The following STK24 variants were observed in gnomAD, a reference collection of about 807,000 sequenced individuals.
STK24 encodes serine/threonine kinase 24.
A neutral mutation model predicts 55.6 loss-of-function variants in STK24; 21 were observed. That is an observed-to-expected ratio of 0.38 (90% CI 0.27 to 0.54). STK24 has a LOEUF of 0.54. STK24 is among the 20% of genes least tolerant of loss of function. The pLI, the probability that STK24 is intolerant of heterozygous loss-of-function variation, is 0.79. For missense variants in STK24, 383 were observed against 538.4 expected (o/e 0.71, Z 2.86); for synonymous variants, 200 against 215.2 (o/e 0.93, Z 0.62).
rs116933907 is a variant in STK24 at position 98,489,045 on chromosome 13, C to T, written c.274-6724G>A. On this transcript the variant is annotated intron_variant, in intron 2 of 10. Coordinates refer to ENST00000539966, the MANE Select transcript of STK24 (RefSeq NM_001032296.4). The stretch of plus-strand genomic sequence containing the variant: ...TGAGTTTTTGTAAAAGGTACCTTTC[C>T]GCGCAGATGACGCATGTGGCCTCAA... Among the ~76,000 whole-genome samples the T allele has an allele frequency of 5.1e-4, 77 of 152,262 alleles. No homozygotes were observed. In the East Asian group the frequency reaches 0.013, roughly 26 times the overall value.
intron 2 of STK24, among the ~76,000 whole-genome samples, chr13:98,495,779 A>G (rs1238683612): frequency 6.6e-6 from 1 of 152,196 alleles, no homozygotes; most frequent in Non-Finnish European, 1.5e-5. Flanking sequence ...TGCGAAATGA[A>G]ATGTACGCCC....
chr13:98,542,079 C>T (rs1594655287), intron 1 of STK24, among the ~76,000 whole-genome samples: 1 of 152,130 alleles, frequency 6.6e-6, no homozygotes, highest in South Asian at 2.1e-4. Context: ...AACCATGGGC[C>T]GTTTATAACT....
intron 2 of STK24, among the ~76,000 whole-genome samples, chr13:98,486,105 A>T (rs1268008791): frequency 6.6e-6 from 1 of 152,082 alleles, no homozygotes; most frequent in Non-Finnish European, 1.5e-5. Flanking sequence ...TACCCAATGT[A>T]GATGACGGTT....
At chr13:98,456,944 C>T (rs891250348) in intron 10 of STK24, 1 of 607,894 alleles carries the variant, frequency 1.6e-6, no homozygotes, top group African/African-American at 1.8e-5. Context: ...TACAAATGCA[C>T]TAAGTCCTGT....
chr13:98,563,424 G>A (rs1329221195), intron 1 of STK24, among the ~76,000 whole-genome samples: 3 of 152,180 alleles, frequency 2.0e-5, no homozygotes, highest in Admixed American at 6.5e-5. Context: ...AATGACACAA[G>A]TTGTTTTAGA....
In STK24 at chr13:98,446,374, G is replaced by T; in HGVS notation, c.*6799C>A. ...TCCACCCGAGGCCCTCAACTCTAGG[G>T]AAGACTGACATTATCATCCACTGAA... is the stretch of plus-strand genomic sequence containing the variant. On this transcript the variant is annotated 3_prime_UTR_variant, in exon 11 of 11. Coordinates refer to ENST00000539966, the MANE Select transcript of STK24 (RefSeq NM_001032296.4). The T allele has an allele frequency of 1.6e-6, 1 of 606,270 alleles. No individual in the cohort carries two copies. Among genetic ancestry groups the T allele is most frequent in the South Asian group, 2.0e-5 (1 of 50,358 alleles). 37.6% of individuals were successfully genotyped at this position (606,270 alleles called of 1,614,324 possible). A position where few individuals can be genotyped will look rare whatever the true frequency, so the allele number is the denominator to read the frequency against.
chr13:98,478,897 C>T (rs1308479410), intron 3 of STK24, among the ~76,000 whole-genome samples: 1 of 152,192 alleles, frequency 6.6e-6, no homozygotes, highest in African/African-American at 2.4e-5. Context: ...CCTCCCTCGC[C>T]TGCATTGTTT....
At chr13:98,535,368 AAAATATAT>A (rs1190082143) in intron 1 of STK24, among the ~76,000 whole-genome samples, 247 of 48,976 alleles carry the variant, frequency 5.0e-3, no homozygotes, top group African/African-American at 0.012. Context: ...AAACAAAAAA[AAAATATAT>A]ATATATATAT....
rs960190081 is a variant in STK24 at position 98,448,638 on chromosome 13, T to TCAACA, written c.*4530_*4534dup. On this transcript the variant is annotated 3_prime_UTR_variant, in exon 11 of 11. Coordinates refer to ENST00000539966, the MANE Select transcript of STK24 (RefSeq NM_001032296.4). ...TGAAAAACAGTACACACACATCCGT[T>TCAACA]CAACACAAGACAGGGCAAGTGTTTT... 2 of 284,710 alleles carry TCAACA rather than the reference T, an allele frequency of 7.0e-6. No homozygotes were observed. The highest frequency in any genetic ancestry group is 1.1e-4 in the South Asian group (2 of 18,052). The allele number at this position is 284,710 out of a possible 1,614,324, so 17.6% of individuals were successfully genotyped here.
At chr13:98,498,539 G>A (rs1285792984) in intron 2 of STK24, among the ~76,000 whole-genome samples, 1 of 152,208 alleles carries the variant, frequency 6.6e-6, no homozygotes, top group Non-Finnish European at 1.5e-5. Context: ...GGGAAAGAAT[G>A]GGATCCTGTA....
At chr13:98,557,457 G>A (rs1204085684) in intron 1 of STK24, among the ~76,000 whole-genome samples, 1 of 152,096 alleles carries the variant, frequency 6.6e-6, no homozygotes, top group Non-Finnish European at 1.5e-5. Context: ...CATCATCACT[G>A]AAGCCTGCCC....
rs565159092 is a variant in STK24 at position 98,571,278 on chromosome 13, A to G, written c.42+5467T>C. 2.6e-5 allele frequency among the ~76,000 whole-genome samples: 4 copies of G among 152,222 alleles called. No homozygotes were observed. The South Asian group carries it at 6.2e-4, about 24-fold the overall frequency. On this transcript the variant is annotated intron_variant, in intron 1 of 10. Coordinates refer to ENST00000539966, the MANE Select transcript of STK24 (RefSeq NM_001032296.4). The stretch of plus-strand genomic sequence containing the variant: ...AATACTGAACTGAAAATGAAACTCA[A>G]CCTGCACCACATTAGGCAGCTCAGC...
At chr13:98,493,836 A>C (rs1475618509) in intron 2 of STK24, among the ~76,000 whole-genome samples, 2 of 151,154 alleles carry the variant, frequency 1.3e-5, no homozygotes, top group African/African-American at 4.9e-5. Context: ...CTGCAAAAAA[A>C]AAATTTTTTT....
intron 2 of STK24, among the ~76,000 whole-genome samples, chr13:98,484,576 C>T (rs1894733227): frequency 6.6e-6 from 1 of 152,184 alleles, no homozygotes; most frequent in Admixed American, 6.5e-5. Flanking sequence ...AGTGACCACC[C>T]CCTCGTCCTT....
At position 98,446,298 on chromosome 13, in the gene STK24, C is replaced by T; in HGVS notation, c.*6875G>A. 1 of 794,820 alleles carries T rather than the reference C, an allele frequency of 1.3e-6. No homozygotes were observed. Among genetic ancestry groups the T allele is most frequent in the Non-Finnish European group, 2.1e-6 (1 of 476,494 alleles). The allele number at this position is 794,820 out of a possible 1,614,324, so 49.2% of individuals were successfully genotyped here. Reference sequence around the variant, plus strand: ...CCCTCCTCTGGAATGACTCAGGCCTCTTGGGCTCCAGGTGTCACGGGGATG... The same window carrying T: ...CCCTCCTCTGGAATGACTCAGGCCTTTTGGGCTCCAGGTGTCACGGGGATG... On this transcript the variant is annotated 3_prime_UTR_variant, in exon 11 of 11. Coordinates refer to ENST00000539966, the MANE Select transcript of STK24 (RefSeq NM_001032296.4).
At chr13:98,497,739 C>T (rs912734045) in intron 2 of STK24, among the ~76,000 whole-genome samples, 3 of 152,328 alleles carry the variant, frequency 2.0e-5, no homozygotes, top group Middle Eastern at 3.4e-3. Context: ...TAAAAGAAGA[C>T]GGCACCTTCC....
At chr13:98,478,810 G>C (rs1894479350) in intron 3 of STK24, among the ~76,000 whole-genome samples, 1 of 102,780 alleles carries the variant, frequency 9.7e-6, no homozygotes, top group African/African-American at 3.5e-5. Flanking sequence ...TGGCAACACT[G>C]GCTGATCTTT....
At chr13:98,566,815 ACCTCTCAAG>A (rs1489546647) in intron 1 of STK24, among the ~76,000 whole-genome samples, 5 of 152,160 alleles carry the variant, frequency 3.3e-5, no homozygotes, top group Non-Finnish European at 5.9e-5. Context: ...TGTGTGAATT[ACCTCTCAAG>A]AAATATTTGG....
Position 98,448,191 on chromosome 13 carries a change from T to C in STK24, c.*4982A>G. 1 of 1,517,132 alleles carries C rather than the reference T, an allele frequency of 6.6e-7. No homozygotes were observed. Among genetic ancestry groups the C allele is most frequent in the Non-Finnish European group, 9.2e-7 (1 of 1,092,450 alleles). 94.0% of individuals were successfully genotyped at this position (1,517,132 alleles called of 1,614,324 possible). On this transcript the variant is annotated 3_prime_UTR_variant, in exon 11 of 11. Transcript: ENST00000539966. ...GCGATGCCCACCAAAGTGTCAGGAG[T>C]CCGTCCAAACAAAAGGTTGACTAAC...
Sources: allele counts gnomAD v4.1 joint callset (sites outside exome capture counted in the v4.1 genomes callset), GRCh38; gene constraint gnomAD v4.1.1; transcripts MANE v1.5; gene names NCBI Gene and HGNC (gene_info 2026-07-23, HGNC 2026-07-21).